PLCG2: variants seen among roughly 807,000 people sequenced by gnomAD.
PLCG2 encodes 1-phosphatidylinositol 4,5-bisphosphate phosphodiesterase gamma-2.
A neutral mutation model predicts 175.6 loss-of-function variants in PLCG2; 69 were observed. The observed-to-expected ratio is 0.39, with a 90% CI of 0.32 to 0.48. The LOEUF is 0.48. PLCG2 is among the 20% of genes least tolerant of loss of function. The pLI, the probability that PLCG2 is intolerant of heterozygous loss-of-function variation, is 0.91. For synonymous variants in PLCG2, 827 were observed against 624.0 expected (o/e 1.33, Z -4.85); for missense variants, 1,798 against 1,650.9 (o/e 1.09, Z -1.54).
intron 31 of PLCG2, among the ~76,000 whole-genome samples, chr16:81,949,556 T>C (rs1911284664): frequency 6.6e-6 from 1 of 152,184 alleles, no homozygotes; most frequent in Admixed American, 6.5e-5. Flanking sequence ...ATATTTTAGA[T>C]ATATCATGTA....
chr16:81,775,064 C>T (rs569316370), upstream of PLCG2, among the ~76,000 whole-genome samples: 1 of 152,226 alleles, frequency 6.6e-6, no homozygotes, highest in South Asian at 2.1e-4. Flanking sequence ...TTTTTCAAAA[C>T]AGCTTTCTTG....
chr16:81,810,875 T>C (rs1206692442), intron 2 of PLCG2, among the ~76,000 whole-genome samples: 3 of 152,204 alleles, frequency 2.0e-5, no homozygotes, highest in Non-Finnish European at 2.9e-5. Context: ...AATAATTTTG[T>C]ACATGACTAT....
chr16:81,793,154 G>C (rs1019751117), intron 2 of PLCG2, among the ~76,000 whole-genome samples: 1 of 152,218 alleles, frequency 6.6e-6, no homozygotes, highest in Non-Finnish European at 1.5e-5. Context: ...CTGGCCTCCA[G>C]GTTCCCTATT....
chr16:81,874,760 G>T (rs78354261), intron 7 of PLCG2, among the ~76,000 whole-genome samples: 9,610 of 152,120 alleles, frequency 0.063, 329 homozygotes, highest in Middle Eastern at 0.095. Context: ...ACCTGCCTAC[G>T]TTCCACCTCT....
At chr16:81,855,107 G>T (rs1432264302) in intron 3 of PLCG2, among the ~76,000 whole-genome samples, 1 of 151,616 alleles carries the variant, frequency 6.6e-6, no homozygotes, top group African/African-American at 2.4e-5. Context: ...CTATTTGAAA[G>T]GCTGAGGCAC....
intron 2 of PLCG2, among the ~76,000 whole-genome samples, chr16:81,808,703 C>T (rs1349544512): frequency 2.0e-5 from 3 of 152,070 alleles, no homozygotes; most frequent in Non-Finnish European, 2.9e-5. Flanking sequence ...CTGTGTTAGC[C>T]AGGATGGTCT....
chr16:81,826,128 A>G (rs371992413), intron 2 of PLCG2, among the ~76,000 whole-genome samples: 63 of 152,244 alleles, frequency 4.1e-4, no homozygotes, highest in Middle Eastern at 6.8e-3. Flanking sequence ...AGTTTTCCCC[A>G]TTGTGGTAAG....
At chr16:81,895,508 C>A in intron 12 of PLCG2, 2 of 300,876 alleles carry the variant, frequency 6.6e-6, no homozygotes, top group South Asian at 9.1e-5. Context: ...TGCAATGGGC[C>A]GAGATTGTGC....
At chr16:81,957,876 G>C in intron 32 of PLCG2, 80 bp from the exon 33 acceptor site, 1 of 1,270,286 alleles carries the variant, frequency 7.9e-7, no homozygotes, top group Non-Finnish European at 1.2e-6. Flanking sequence ...CAAATGTACA[G>C]AAAGAGAAAT....
At chr16:81,907,965 C>A (rs951022331) in intron 16 of PLCG2, among the ~76,000 whole-genome samples, 191 bp downstream of exon 16, 36 of 152,122 alleles carry the variant, frequency 2.4e-4, no homozygotes, top group African/African-American at 8.5e-4. Flanking sequence ...GCCCCAGGTG[C>A]TTTAACCAGT....
chr16:81,825,236 C>A (rs147623410), intron 2 of PLCG2, among the ~76,000 whole-genome samples: 4 of 151,648 alleles, frequency 2.6e-5, no homozygotes, highest in African/African-American at 9.7e-5. Context: ...GTGTTTTTTT[C>A]CTATTACTGC....
At chr16:81,746,801 C>A (rs994754409) in intron 1 of PLCG2, among the ~76,000 whole-genome samples, 1 of 152,210 alleles carries the variant, frequency 6.6e-6, no homozygotes, top group Admixed American at 6.5e-5. Flanking sequence ...GACACACCTT[C>A]ATTGCCCTCT....
Position 81,910,536 on chromosome 16 carries a change from C to A in PLCG2, c.1750C>A (p.Gln584Lys). The A allele has an allele frequency of 6.2e-7, 1 of 1,614,056 alleles. No individual in the cohort carries two copies. The highest frequency in any genetic ancestry group is 8.5e-7 in the Non-Finnish European group (1 of 1,179,990). ...TLSFWRSGRV[Q>K]HCRIRSTMEG... The stretch of plus-strand genomic sequence containing the variant: ...TCCCCGCAGGCGGTCAGGCCGGGTC[C>A]AGCACTGCCGGATCCGCTCCACCAT... Residue 584 changes from glutamine to lysine, a missense_variant, in exon 18 of 33, where the codon CAG (glutamine) becomes AAG (lysine). Physicochemically the swap from Gln to Lys is moderately conservative, Grantham distance 53. Coordinates refer to ENST00000564138, the MANE Select transcript of PLCG2 (RefSeq NM_002661.5).
intron 27 of PLCG2, among the ~76,000 whole-genome samples, chr16:81,937,095 A>T (rs191420202): frequency 6.6e-6 from 1 of 152,356 alleles, no homozygotes; most frequent in East Asian, 1.9e-4. Flanking sequence ...ATTTTGATCA[A>T]CTTTGCCCTG....
intron 30 of PLCG2, among the ~76,000 whole-genome samples, chr16:81,943,852 C>G (rs55880431): frequency 0.33 from 49,926 of 151,958 alleles, 10,181 homozygotes; most frequent in Non-Finnish European, 0.45. Context: ...TAAACCCTAC[C>G]AGGAAATGAG....
chr16:81,827,099 C>T (rs768018394), intron 2 of PLCG2, among the ~76,000 whole-genome samples: 1 of 152,114 alleles, frequency 6.6e-6, no homozygotes. Flanking sequence ...TCCTTGTTGA[C>T]CTTGCGCTGA....
Position 81,859,466 on chromosome 16 carries a change from C to T in PLCG2, c.479+303C>T, listed in dbSNP as rs569459183. Among the ~76,000 whole-genome samples the T allele has an allele frequency of 1.1e-4, 16 of 152,378 alleles. No individual in the cohort carries two copies. In the East Asian group the frequency reaches 3.1e-3, roughly 29 times the overall value. On this transcript the variant is annotated intron_variant, in intron 5 of 32. Transcript: ENST00000564138. ...TCCTGGTAATACAGCAGTAACCACA[C>T]TCCTGATGGCACCAGCCCATGCTTT...
chr16:81,953,472 A>T (rs972394639), intron 31 of PLCG2, among the ~76,000 whole-genome samples: 1 of 152,062 alleles, frequency 6.6e-6, no homozygotes, highest in Non-Finnish European at 1.5e-5. Flanking sequence ...TGGGGGAAAA[A>T]CTTTATTTTT....
intron 6 of PLCG2, among the ~76,000 whole-genome samples, chr16:81,870,589 G>A (rs1196777394): frequency 6.6e-6 from 1 of 152,158 alleles, no homozygotes; most frequent in Non-Finnish European, 1.5e-5. Flanking sequence ...TCCCAGACAG[G>A]GGGATTAGGG....
Sources: allele counts gnomAD v4.1 joint callset (sites outside exome capture counted in the v4.1 genomes callset), GRCh38; gene constraint gnomAD v4.1.1; transcripts MANE v1.5; gene names NCBI Gene and HGNC (gene_info 2026-07-23, HGNC 2026-07-21).